Variants in DPP10 observed in about 807,000 individuals in gnomAD.
DPP10 encodes inactive dipeptidyl peptidase 10.
Under a neutral mutation model 120.9 loss-of-function variants are expected in DPP10, and 33 were observed. The ratio of observed to expected loss-of-function variants is 0.27; its 90% confidence interval spans 0.21 to 0.37. The LOEUF (loss-of-function observed/expected upper bound fraction) is 0.37, where lower values mean the gene tolerates loss of function less well. Ranked by LOEUF, DPP10 falls within the 10% of genes least tolerant of loss-of-function variation. The probability of loss-of-function intolerance (pLI) is 1.00; values close to 1 mark genes in which losing one functional copy is unlikely to be tolerated. For synonymous variants in DPP10, 337 were observed against 326.1 expected (o/e 1.03, Z -0.36); for missense variants, 816 against 942.8 (o/e 0.87, Z 1.76).
intron 1 of DPP10, among the ~76,000 whole-genome samples, chr2:115,137,384 G>A (rs1345533486): frequency 6.6e-6 from 1 of 152,204 alleles, no homozygotes; most frequent in East Asian, 1.9e-4. Context: ...GTAACCTTGA[G>A]GAAGGGTTGC....
intron 1 of DPP10, among the ~76,000 whole-genome samples, chr2:114,916,718 C>T (rs992862407): frequency 2.0e-5 from 3 of 152,112 alleles, no homozygotes; most frequent in Non-Finnish European, 4.4e-5. Flanking sequence ...AACTTAAAAA[C>T]CACATGATTA....
intron 3 of DPP10, among the ~76,000 whole-genome samples, chr2:115,400,026 T>A (rs2067953923): frequency 6.6e-6 from 1 of 152,116 alleles, no homozygotes; most frequent in African/African-American, 2.4e-5. Context: ...CTCATATGGC[T>A]GGAGCAGGAG....
intron 1 of DPP10, among the ~76,000 whole-genome samples, chr2:114,906,721 T>A (rs1693995346): frequency 6.6e-6 from 1 of 152,182 alleles, no homozygotes; most frequent in Non-Finnish European, 1.5e-5. Context: ...TTGGTCATAT[T>A]ATATAATCCT....
chr2:114,445,677 A>C (rs1048129951), intron 1 of DPP10, among the ~76,000 whole-genome samples: 2 of 151,966 alleles, frequency 1.3e-5, no homozygotes, highest in Non-Finnish European at 2.9e-5. Flanking sequence ...ATGATGTGTC[A>C]GAGTTGGAAA....
intron 1 of DPP10, among the ~76,000 whole-genome samples, chr2:115,216,941 AACTT>A (rs1407925364): frequency 1.3e-5 from 2 of 152,046 alleles, no homozygotes; most frequent in Non-Finnish European, 2.9e-5. Context: ...ATATTTGTCT[AACTT>A]AACATCAAAA....
chr2:115,545,438 T>C (rs2079440265), intron 5 of DPP10, among the ~76,000 whole-genome samples: 1 of 152,014 alleles, frequency 6.6e-6, no homozygotes, highest in Non-Finnish European at 1.5e-5. Context: ...AAAGAAAAGC[T>C]CCAAAATTCC....
chr2:114,569,386 A>G (rs896351063), intron 1 of DPP10, among the ~76,000 whole-genome samples: 1 of 152,192 alleles, frequency 6.6e-6, no homozygotes, highest in Non-Finnish European at 1.5e-5. Context: ...AACACTCCCA[A>G]CTTTGCTTTC....
chr2:115,706,295 A>G (rs1037650532), intron 7 of DPP10, among the ~76,000 whole-genome samples: 2 of 151,856 alleles, frequency 1.3e-5, no homozygotes, highest in African/African-American at 4.8e-5. Context: ...TTAGTCATTT[A>G]GAAATAATAA....
At chr2:114,850,117 C>G (rs1440880927) in intron 1 of DPP10, among the ~76,000 whole-genome samples, 1 of 150,488 alleles carries the variant, frequency 6.6e-6, no homozygotes, top group Admixed American at 6.7e-5. Context: ...AACTTCTGGG[C>G]TCAAGTGATC....
chr2:114,477,652 G>C (rs1680537467), intron 1 of DPP10, among the ~76,000 whole-genome samples: 1 of 150,556 alleles, frequency 6.6e-6, no homozygotes. Flanking sequence ...CAGTGTGGTG[G>C]TGCGCACCTG....
chr2:115,282,745 A>G (rs2060211294), intron 1 of DPP10, among the ~76,000 whole-genome samples: 1 of 152,144 alleles, frequency 6.6e-6, no homozygotes, highest in African/African-American at 2.4e-5. Context: ...AATAGAAGAC[A>G]GTATCTACTT....
At chr2:114,767,824 C>T (rs1326998541) in intron 1 of DPP10, among the ~76,000 whole-genome samples, 4 of 152,078 alleles carry the variant, frequency 2.6e-5, no homozygotes, top group Non-Finnish European at 5.9e-5. Context: ...ATACTATCTT[C>T]AAAGTTCTCA....
chr2:114,683,737 C>T (rs1423916639), intron 1 of DPP10, among the ~76,000 whole-genome samples: 1 of 151,860 alleles, frequency 6.6e-6, no homozygotes, highest in Admixed American at 6.6e-5. Context: ...GACAGTGCAG[C>T]TCAGCCCTTC....
At chr2:115,567,776 A>G (rs536927609) in intron 5 of DPP10, among the ~76,000 whole-genome samples, 2 of 152,244 alleles carry the variant, frequency 1.3e-5, no homozygotes, top group African/African-American at 4.8e-5. Flanking sequence ...ATTCTCCCTT[A>G]TAAATGTTGG....
At chr2:115,527,127 G>T (rs1168825697) in intron 5 of DPP10, among the ~76,000 whole-genome samples, 1 of 152,004 alleles carries the variant, frequency 6.6e-6, no homozygotes, top group Admixed American at 6.6e-5. Context: ...TAAAAAATCA[G>T]GTTTCAGGAG....
At chr2:115,296,046 G>A (rs2060870575) in intron 1 of DPP10, among the ~76,000 whole-genome samples, 2 of 152,068 alleles carry the variant, frequency 1.3e-5, no homozygotes, top group African/African-American at 2.4e-5. Context: ...GCCTAAGAAA[G>A]CAAAATATTT....
chr2:115,815,881 A>G (rs1335982246), intron 21 of DPP10, 152 bp downstream of exon 21: 18 of 738,504 alleles, frequency 2.4e-5, no homozygotes, highest in Non-Finnish European at 4.3e-5. Flanking sequence ...CACTGTAGCA[A>G]GATTTGATGG....
chr2:115,306,921 A>T (rs915591612), intron 1 of DPP10, among the ~76,000 whole-genome samples: 1 of 152,124 alleles, frequency 6.6e-6, no homozygotes, highest in African/African-American at 2.4e-5. Flanking sequence ...ACAGTTATGT[A>T]TGGGTCCAAA....
chr2:114,600,162 A>G (rs3849319), intron 1 of DPP10, among the ~76,000 whole-genome samples: 3,717 of 151,614 alleles, frequency 0.025, 150 homozygotes, highest in African/African-American at 0.084. Flanking sequence ...TTCCAGTTAC[A>G]CAGATGTTAA....
Sources: gnomAD v4.1 joint callset for allele counts (sites outside exome capture counted in the v4.1 genomes callset) on GRCh38, gnomAD v4.1.1 for gene constraint, MANE v1.5 for transcripts, NCBI Gene and HGNC (gene_info 2026-07-23, HGNC 2026-07-21) for gene names.